BNC2: variants seen among roughly 807,000 people sequenced by gnomAD.
BNC2 encodes the protein basonuclin zinc finger protein 2.
A neutral mutation model predicts 76.3 loss-of-function variants in BNC2; 20 were observed. The observed-to-expected ratio is 0.26, with a 90% confidence interval of 0.18 to 0.38. BNC2 has a LOEUF of 0.38. Ranked by LOEUF, BNC2 falls within the 10% of genes least tolerant of loss-of-function variation. BNC2 has a pLI of 1.00. For synonymous variants in BNC2, 582 were observed against 514.8 expected (o/e 1.13, Z -1.77); for missense variants, 1,382 against 1,399.8 (o/e 0.99, Z 0.20).
intron 1 of BNC2, among the ~76,000 whole-genome samples, chr9:16,780,362 A>T (rs1296051843): frequency 6.6e-6 from 1 of 151,918 alleles, no homozygotes; most frequent in African/African-American, 2.4e-5. Flanking sequence ...TCATGAGGTC[A>T]GGAGCTCAAG....
intron 3 of BNC2, among the ~76,000 whole-genome samples, chr9:16,643,590 T>TG (rs1410124811): frequency 3.9e-5 from 6 of 152,248 alleles, no homozygotes; most frequent in Admixed American, 3.3e-4. Flanking sequence ...GCACCATATA[T>TG]GATCTTAGGT....
At chr9:16,511,748 C>T (rs115076120) in intron 5 of BNC2, among the ~76,000 whole-genome samples, 3,102 of 152,030 alleles carry the variant, frequency 0.02, 134 homozygotes, top group African/African-American at 0.07. Context: ...ATACTCTTAA[C>T]CTAACTCCAG....
intron 5 of BNC2, among the ~76,000 whole-genome samples, chr9:16,467,748 G>C (rs1209657582): frequency 2.8e-5 from 4 of 143,344 alleles, no homozygotes; most frequent in Non-Finnish European, 4.5e-5. Context: ...CACGTTAGTG[G>C]GTGCAGCGCA....
intron 3 of BNC2, among the ~76,000 whole-genome samples, chr9:16,678,140 T>C (rs111973359): frequency 6.6e-6 from 1 of 151,342 alleles, no homozygotes; most frequent in African/African-American, 2.4e-5. Context: ...TGACAGTGAA[T>C]AAGAAAGGCA....
intron 6 of BNC2, among the ~76,000 whole-genome samples, chr9:16,419,996 G>C (rs1437878499): frequency 1.3e-5 from 2 of 152,144 alleles, no homozygotes; most frequent in African/African-American, 4.8e-5. Flanking sequence ...TCATGGCAGA[G>C]ATTTTAGAAT....
At chr9:16,613,796 G>A (rs143100213) in intron 3 of BNC2, among the ~76,000 whole-genome samples, 1 of 152,180 alleles carries the variant, frequency 6.6e-6, no homozygotes, top group Admixed American at 6.5e-5. Context: ...AGAAGAAATA[G>A]TGACAAGCAC....
At chr9:16,646,069 C>T (rs995085055) in intron 3 of BNC2, among the ~76,000 whole-genome samples, 1 of 152,200 alleles carries the variant, frequency 6.6e-6, no homozygotes, top group African/African-American at 2.4e-5. Context: ...ACACGTCTAC[C>T]TTCCAGTTAG....
chr9:16,609,882 G>A (rs1010107730), intron 3 of BNC2, among the ~76,000 whole-genome samples: 1 of 151,906 alleles, frequency 6.6e-6, no homozygotes, highest in Non-Finnish European at 1.5e-5. Context: ...CTGTCTCTTA[G>A]TATCCTCCAT....
intron 1 of BNC2, among the ~76,000 whole-genome samples, chr9:16,756,489 C>T (rs2079229791): frequency 1.3e-5 from 2 of 152,110 alleles, no homozygotes; most frequent in African/African-American, 4.8e-5. Flanking sequence ...CTTTTTCTCC[C>T]TTCCAATACA....
intron 5 of BNC2, among the ~76,000 whole-genome samples, chr9:16,518,880 C>T (rs961252922): frequency 3.9e-5 from 6 of 152,146 alleles, no homozygotes; most frequent in East Asian, 1.9e-4. Flanking sequence ...GGATTACAGG[C>T]GTGAGCCACT....
intron 1 of BNC2, among the ~76,000 whole-genome samples, chr9:16,760,373 G>A (rs1168759788): frequency 1.3e-5 from 2 of 152,158 alleles, no homozygotes; most frequent in African/African-American, 4.8e-5. Context: ...CAATAGGGGT[G>A]AAAAAATTTA....
intron 5 of BNC2, among the ~76,000 whole-genome samples, chr9:16,507,817 C>T (rs574748588): frequency 1.6e-4 from 25 of 152,306 alleles, no homozygotes; most frequent in African/African-American, 6.0e-4. Flanking sequence ...ACCTTAATTA[C>T]ACATAGCACT....
intron 1 of BNC2, among the ~76,000 whole-genome samples, chr9:16,801,607 G>C (rs1455190358): frequency 6.6e-6 from 1 of 151,706 alleles, no homozygotes; most frequent in Admixed American, 6.6e-5. Flanking sequence ...ACTTAACCTA[G>C]AAGTTTCAAG....
At chr9:16,543,589 C>A (rs182323707) in intron 5 of BNC2, among the ~76,000 whole-genome samples, 1 of 152,290 alleles carries the variant, frequency 6.6e-6, no homozygotes, top group Non-Finnish European at 1.5e-5. Context: ...ATCCTGGAAT[C>A]TGGTAAGCCA....
At chr9:16,440,069 C>T (rs1424065939) in intron 5 of BNC2, among the ~76,000 whole-genome samples, 2 of 152,180 alleles carry the variant, frequency 1.3e-5, no homozygotes, top group South Asian at 2.1e-4. Flanking sequence ...AATGTTGGTG[C>T]TATAGGTAAA....
chr9:16,529,490 G>A (rs933841874), intron 5 of BNC2, among the ~76,000 whole-genome samples: 1 of 151,932 alleles, frequency 6.6e-6, no homozygotes, highest in African/African-American at 2.4e-5. Flanking sequence ...TATTAATTTT[G>A]TATTACTTTC....
chr9:16,595,580 C>T (rs929936483), intron 3 of BNC2, among the ~76,000 whole-genome samples: 1 of 152,084 alleles, frequency 6.6e-6, no homozygotes, highest in African/African-American at 2.4e-5. Context: ...ACCATTTCTT[C>T]TAAAAGGTGG....
chr9:16,656,919 G>A (rs879494399), intron 3 of BNC2, among the ~76,000 whole-genome samples: 2 of 152,194 alleles, frequency 1.3e-5, no homozygotes, highest in East Asian at 3.8e-4. Context: ...TTAAAATTGG[G>A]GAAGGAGGTA....
chr9:16,508,821 C>CTTTTTTTTTTTTTTTT (rs386414529), intron 5 of BNC2, among the ~76,000 whole-genome samples: 4 of 143,418 alleles, frequency 2.8e-5, no homozygotes, highest in Non-Finnish European at 4.5e-5. Flanking sequence ...TTTTGCACAT[C>CTTTTTTTTTTTTTTTT]TTTTTTTTTT....
Sources: gnomAD v4.1 joint callset for allele counts (sites outside exome capture counted in the v4.1 genomes callset) on GRCh38, gnomAD v4.1.1 for gene constraint, MANE v1.5 for transcripts, NCBI Gene and HGNC (gene_info 2026-07-23, HGNC 2026-07-21) for gene names.